QTMAN: variants seen among roughly 807,000 people sequenced by gnomAD.
QTMAN encodes queuosine-tRNA mannosyltransferase.
the QTMAN span, among the ~76,000 whole-genome samples, chr2:144,041,463 C>T: frequency 6.6e-6 from 1 of 152,194 alleles, no homozygotes; most frequent in East Asian, 1.9e-4. Flanking sequence ...ATGTACAATA[C>T]ACTCTCAGGG....
At chr2:144,050,586 A>G in the QTMAN span, among the ~76,000 whole-genome samples, 1 of 152,180 alleles carries the variant, frequency 6.6e-6, no homozygotes, top group Admixed American at 6.5e-5. Flanking sequence ...TACAATTTGA[A>G]ATCAGACACA....
At chr2:143,972,797 A>C in the QTMAN span, among the ~76,000 whole-genome samples, 1 of 152,182 alleles carries the variant, frequency 6.6e-6, no homozygotes, top group Admixed American at 6.5e-5. Context: ...CTGTCAGAAA[A>C]AGAGGCATTT....
At chr2:143,952,009 TG>T in the QTMAN span, 1 of 1,588,152 alleles carries the variant, frequency 6.3e-7, no homozygotes, top group Non-Finnish European at 8.6e-7. Flanking sequence ...TTATAATATC[TG>T]GTCTCTTGCA....
the QTMAN span, among the ~76,000 whole-genome samples, chr2:144,253,862 T>A: frequency 6.6e-6 from 1 of 152,092 alleles, no homozygotes; most frequent in African/African-American, 2.4e-5. Flanking sequence ...GGGGAAAATG[T>A]CTCCAGGGCA....
the QTMAN span, chr2:143,938,697 T>C: frequency 6.6e-6 from 1 of 152,218 alleles, no homozygotes; most frequent in Admixed American, 6.5e-5. Context: ...AAAAATAAAA[T>C]TTCCAAGTCC....
At chr2:144,098,632 T>G in the QTMAN span, among the ~76,000 whole-genome samples, 1 of 151,602 alleles carries the variant, frequency 6.6e-6, no homozygotes, top group Non-Finnish European at 1.5e-5. Flanking sequence ...GGAGAATCGC[T>G]TGAACCTGGG....
the QTMAN span, chr2:144,178,972 G>C: frequency 2.1e-6 from 1 of 468,534 alleles, no homozygotes; most frequent in East Asian, 7.0e-5. Flanking sequence ...TGGTAAAAAC[G>C]AGAGTTAGAG....
chr2:144,307,159 T>TA, the QTMAN span, among the ~76,000 whole-genome samples: 5,764 of 40,288 alleles, frequency 0.14, 918 homozygotes, highest in Admixed American at 0.16. Context: ...GACTCCGTCT[T>TA]AAAAAAAAAA....
At chr2:143,998,509 T>TAAA in the QTMAN span, among the ~76,000 whole-genome samples, 1 of 137,570 alleles carries the variant, frequency 7.3e-6, no homozygotes, top group Non-Finnish European at 1.6e-5. Context: ...ACTGACCGAG[T>TAAA]AAAAAAAAAA....
the QTMAN span, among the ~76,000 whole-genome samples, chr2:144,118,586 A>G: frequency 6.6e-6 from 1 of 152,196 alleles, no homozygotes; most frequent in African/African-American, 2.4e-5. Flanking sequence ...CATTAGCCAT[A>G]GAAATACGGA....
At chr2:144,191,132 G>T in the QTMAN span, among the ~76,000 whole-genome samples, 1 of 152,180 alleles carries the variant, frequency 6.6e-6, no homozygotes, top group Non-Finnish European at 1.5e-5. Flanking sequence ...AAAAAGAGAA[G>T]TCTCAGCACT....
chr2:144,068,846 C>A, the QTMAN span, among the ~76,000 whole-genome samples: 1 of 152,138 alleles, frequency 6.6e-6, no homozygotes, highest in Non-Finnish European at 1.5e-5. Context: ...ATTTCTATGT[C>A]ATCCATTTGT....
the QTMAN span, among the ~76,000 whole-genome samples, chr2:143,967,670 G>T: frequency 6.6e-6 from 1 of 152,186 alleles, no homozygotes; most frequent in African/African-American, 2.4e-5. Flanking sequence ...ATCAGACAAA[G>T]AAATGCATGC....
the QTMAN span, among the ~76,000 whole-genome samples, chr2:144,274,127 C>T: frequency 5.9e-5 from 9 of 151,774 alleles, no homozygotes; most frequent in East Asian, 1.2e-3. Flanking sequence ...AGCGAGACTC[C>T]GTCTCAAAAA....
At chr2:143,971,743 T>C in the QTMAN span, among the ~76,000 whole-genome samples, 6 of 148,850 alleles carry the variant, frequency 4.0e-5, no homozygotes, top group African/African-American at 9.7e-5. Flanking sequence ...TATGAAAAAA[T>C]AGTTATATAT....
the QTMAN span, among the ~76,000 whole-genome samples, chr2:144,131,334 T>C: frequency 3.3e-5 from 5 of 151,938 alleles, no homozygotes; most frequent in South Asian, 4.1e-4. Flanking sequence ...CACTCCTCCA[T>C]CAAGTTGTCA....
chr2:144,256,657 A>G, the QTMAN span, among the ~76,000 whole-genome samples: 2 of 152,136 alleles, frequency 1.3e-5, no homozygotes, highest in Admixed American at 1.3e-4. Context: ...CAAAAAGAAC[A>G]CATAGACACA....
the QTMAN span, among the ~76,000 whole-genome samples, chr2:144,110,163 T>G: frequency 6.6e-6 from 1 of 152,124 alleles, no homozygotes; most frequent in Admixed American, 6.5e-5. Flanking sequence ...AATGATAGAC[T>G]GGATTAAGAA....
chr2:144,070,918 T>C, the QTMAN span, among the ~76,000 whole-genome samples: 3 of 152,200 alleles, frequency 2.0e-5, no homozygotes, highest in African/African-American at 7.2e-5. Flanking sequence ...TACCATGACA[T>C]GACACTAGAA....
Sources: allele counts gnomAD v4.1 joint callset (sites outside exome capture counted in the v4.1 genomes callset), GRCh38; gene constraint gnomAD v4.1.1; transcripts MANE v1.5; gene names NCBI Gene and HGNC (gene_info 2026-07-23, HGNC 2026-07-21).